Variants in ISM2 observed in about 807,000 individuals in gnomAD.
ISM2 encodes the protein isthmin 2, also known as isthmin-2.
Under a neutral mutation model 58.0 loss-of-function variants are expected in ISM2, and 50 were observed. The observed-to-expected ratio is 0.86, with a 90% CI of 0.69 to 1.09. The LOEUF is 1.09. ISM2 is among the 50% of genes least tolerant of loss of function. The pLI is 0.00. For missense variants in ISM2, 723 were observed against 745.0 expected (o/e 0.97, Z 0.34); for synonymous variants, 303 against 312.4 (o/e 0.97, Z 0.32).
chr14:77,488,207 C>G (rs567121473), intron 1 of ISM2, among the ~76,000 whole-genome samples: 1 of 152,136 alleles, frequency 6.6e-6, no homozygotes, highest in Non-Finnish European at 1.5e-5. Context: ...TATAGGAGCC[C>G]GATAAATCAC....
chr14:77,498,297 C>A, intron 1 of ISM2: 2 of 1,343,094 alleles, frequency 1.5e-6, no homozygotes, highest in Non-Finnish European at 2.0e-6. Flanking sequence ...GGCGGGACTC[C>A]TCTCCGAGCT....
intron 1 of ISM2, among the ~76,000 whole-genome samples, chr14:77,496,603 C>G (rs372941514): frequency 1.7e-4 from 25 of 150,414 alleles, no homozygotes; most frequent in African/African-American, 5.9e-4. Context: ...TCGAGACCAG[C>G]CTGGCCAACA....
At chr14:77,479,993 G>T (rs769515369) in intron 4 of ISM2, among the ~76,000 whole-genome samples, 3 of 152,120 alleles carry the variant, frequency 2.0e-5, no homozygotes, top group Non-Finnish European at 4.4e-5. Context: ...AAAACCAAGG[G>T]TGACAATATT....
Position 77,475,662 on chromosome 14 carries a change from CG to C in ISM2, c.1648del (p.Arg550GlufsTer13). 6.2e-7 allele frequency: 1 copy of C among 1,613,398 alleles called. No homozygotes were observed. Among genetic ancestry groups the C allele is most frequent in the Non-Finnish European group, 8.5e-7 (1 of 1,179,636 alleles). Reference protein sequence around the residue: ...LHAVLPPNNGRACTDNPLEEE... With the variant: ...LHAVLPPNNGXACTDNPLEEE... ...CTCCAGGGGGTTGTCGGTGCAGGCTCGGCCGTTGTTGGGAGGGAGCACAGCG... is the reference window on the plus strand; with the variant it reads ...CTCCAGGGGGTTGTCGGTGCAGGCTCGCCGTTGTTGGGAGGGAGCACAGCG... On this transcript the variant is annotated frameshift_variant, in exon 7 of 7. Coordinates refer to ENST00000342219, the MANE Select transcript of ISM2 (RefSeq NM_199296.3). LOFTEE classifies it high-confidence loss of function. This position sits in a 1 kb window ranked among gnomAD's most constrained non-coding sequence, Gnocchi z 4.1.
intron 1 of ISM2, among the ~76,000 whole-genome samples, chr14:77,486,051 T>C (rs952699210): frequency 3.3e-5 from 5 of 152,206 alleles, no homozygotes; most frequent in Admixed American, 6.5e-5. Flanking sequence ...CCTCCCTGTC[T>C]TACATCCTCA....
chr14:77,476,107 C>G lies in ISM2; in HGVS notation c.1204G>C (p.Asp402His). ...NATDMHDQDV[D>H]SCEKWLNCKS... Reference sequence around the variant, plus strand: ...CAGTTCAGCCACTTCTCACAGCTGTCCACATCTGCAAAGGGCCACAAAGTG... The same window carrying G: ...CAGTTCAGCCACTTCTCACAGCTGTGCACATCTGCAAAGGGCCACAAAGTG... The change falls in exon 7 of 7, where the codon GAC becomes CAC. Residue 402 changes from aspartate (D) to histidine (H), a missense_variant. By Grantham distance (81) the Asp-to-His change is moderately conservative. Transcript: ENST00000342219. 6.6e-7 allele frequency: 1 copy of G among 1,517,080 alleles called. No homozygotes were observed. Among genetic ancestry groups the G allele is most frequent in the Non-Finnish European group, 8.8e-7 (1 of 1,137,038 alleles). The allele number at this position is 1,517,080 out of a possible 1,614,324, so 94.0% of individuals were successfully genotyped here. A position where few individuals can be genotyped will look rare whatever the true frequency, so the allele number is the denominator to read the frequency against.
intron 5 of ISM2, 21 bp downstream of exon 5, chr14:77,478,554 A>G (rs1398622960): frequency 3.7e-6 from 6 of 1,604,032 alleles, no homozygotes; most frequent in Non-Finnish European, 5.1e-6. Flanking sequence ...ACTCCTATGC[A>G]GGGGTAGGGG....
At position 77,477,135 on chromosome 14, in the gene ISM2, G is replaced by A. The variant is rs1006299776; in HGVS notation, c.1199-1023C>T. Among the ~76,000 whole-genome samples the A allele has an allele frequency of 1.7e-4, 26 of 152,262 alleles. No individual in the cohort carries two copies. The East Asian group carries it at 3.1e-3, about 18-fold the overall frequency. On this transcript the variant is annotated intron_variant, in intron 6 of 6. Transcript: ENST00000342219. Reference sequence around the variant, plus strand: ...CCCAGACTCACCAGAGCCCTGCAGCGAGCAGGGAAGGGGAAAACACTGCAG... The same window carrying A: ...CCCAGACTCACCAGAGCCCTGCAGCAAGCAGGGAAGGGGAAAACACTGCAG...
At chr14:77,485,027 TAAACTCACC>T in intron 1 of ISM2, 108 bp from the exon 2 acceptor site, 1 of 1,158,862 alleles carries the variant, frequency 8.6e-7, no homozygotes. Flanking sequence ...GACCGGGTCA[TAAACTCACC>T]CTGTGACTTA....
intron 6 of ISM2, among the ~76,000 whole-genome samples, chr14:77,476,969 T>G (rs937949824): frequency 6.6e-6 from 1 of 151,816 alleles, no homozygotes. Flanking sequence ...ACCCAGGAGG[T>G]GGAGGTTGCA....
chr14:77,483,559 A>G (rs1026595942), intron 3 of ISM2, among the ~76,000 whole-genome samples: 5 of 151,840 alleles, frequency 3.3e-5, no homozygotes, highest in Non-Finnish European at 5.9e-5. Context: ...AAAAAAAAAA[A>G]AAAGAAAGAA....
At chr14:77,495,030 G>A (rs937222350) in intron 1 of ISM2, among the ~76,000 whole-genome samples, 4 of 151,872 alleles carry the variant, frequency 2.6e-5, no homozygotes, top group East Asian at 3.9e-4. Flanking sequence ...ACTACGGGGG[G>A]CGCACCATCA....
intron 1 of ISM2, among the ~76,000 whole-genome samples, chr14:77,494,846 A>G (rs559971210): frequency 1.3e-5 from 2 of 152,286 alleles, no homozygotes; most frequent in East Asian, 1.9e-4. Context: ...GGACAGAACC[A>G]TAAAGATGAC....
intron 1 of ISM2, among the ~76,000 whole-genome samples, chr14:77,486,272 T>TC (rs2079167293): frequency 1.5e-5 from 2 of 135,740 alleles, no homozygotes; most frequent in African/African-American, 5.2e-5. Flanking sequence ...ACTCTTACTT[T>TC]TTTTTCTTGA....
intron 3 of ISM2, among the ~76,000 whole-genome samples, chr14:77,483,495 C>T (rs1261645267): frequency 1.3e-5 from 2 of 149,732 alleles, no homozygotes; most frequent in Non-Finnish European, 2.9e-5. Context: ...TTGCAGGGAG[C>T]TGAGATCATG....
chr14:77,498,736 G>A lies in ISM2; in HGVS notation c.58C>T (p.Leu20=), dbSNP rs1428799434. Residue 20 remains leucine (L), a synonymous_variant, in exon 1 of 7, where the codon CTG becomes TTG. Coordinates refer to ENST00000342219, the MANE Select transcript of ISM2 (RefSeq NM_199296.3). ...LLLCVLLLAA[L]LEAALGLPVK... ...GGGAGCCCTAGCGCCGCCTCCAGCA[G>A]CGCCGCCAGCAGCAGCACGCAGAGG... 9 of 1,482,418 alleles carry A rather than the reference G, an allele frequency of 6.1e-6. No individual in the cohort carries two copies. Among genetic ancestry groups the A allele is most frequent in the Non-Finnish European group, 8.0e-6 (9 of 1,125,030 alleles). The allele number at this position is 1,482,418 out of a possible 1,614,324, so 91.8% of individuals were successfully genotyped here. A position where few individuals can be genotyped will look rare whatever the true frequency, so the allele number is the denominator to read the frequency against.
chr14:77,496,866 C>A (rs1389377655), intron 1 of ISM2, among the ~76,000 whole-genome samples: 4 of 117,290 alleles, frequency 3.4e-5, no homozygotes, highest in Admixed American at 8.4e-5. Flanking sequence ...GGAAAAAAAC[C>A]TAAAAGACTC....
In ISM2 at chr14:77,488,581, G is replaced by C. The variant is rs148913883; in HGVS notation, c.142-3662C>G. Among the ~76,000 whole-genome samples, 241 of 152,314 alleles carry C rather than the reference G, an allele frequency of 1.6e-3. 1 individual carries two copies. Among genetic ancestry groups the C allele is most frequent in the African/African-American group, 5.3e-3 (221 of 41,564 alleles). On this transcript the variant is annotated intron_variant, in intron 1 of 6. Coordinates refer to ENST00000342219, the MANE Select transcript of ISM2 (RefSeq NM_199296.3). ...CTACTAGCTGCATGACCTCCGGCAG[G>C]TTACTTAATCTGCCTTAGTTCCTTC...
At chr14:77,491,450 A>G (rs2079203329) in intron 1 of ISM2, among the ~76,000 whole-genome samples, 1 of 152,204 alleles carries the variant, frequency 6.6e-6, no homozygotes, top group Non-Finnish European at 1.5e-5. Context: ...GTGCAGTGGC[A>G]TGACCTCGGC....
Sources: gnomAD v4.1 joint callset for allele counts (sites outside exome capture counted in the v4.1 genomes callset) on GRCh38, gnomAD v4.1.1 for gene constraint, Gnocchi (gnomAD v3.1) non-coding constraint, MANE v1.5 for transcripts, NCBI Gene and HGNC (gene_info 2026-07-23, HGNC 2026-07-21) for gene names.